SLC35D1: variants seen among roughly 807,000 people sequenced by gnomAD.
The protein encoded by SLC35D1 is nucleotide sugar transporter SLC35D1.
In SLC35D1, 31 loss-of-function variants were observed where a neutral mutation model predicts 46.7. That is an observed-to-expected ratio of 0.66 (90% confidence interval 0.50 to 0.90). The LOEUF is 0.90. SLC35D1 is among the 40% of genes least tolerant of loss of function. The probability of loss-of-function intolerance (pLI) is 0.00; values close to 1 mark genes in which losing one functional copy is unlikely to be tolerated. For synonymous variants in SLC35D1, 195 were observed against 164.6 expected (o/e 1.18, Z -1.41); for missense variants, 397 against 426.2 (o/e 0.93, Z 0.60).
intron 8 of SLC35D1, among the ~76,000 whole-genome samples, chr1:67,026,145 G>GATGACAT (rs1296058312): frequency 6.6e-6 from 1 of 152,128 alleles, no homozygotes; most frequent in Non-Finnish European, 1.5e-5. Flanking sequence ...GTCAGCAATA[G>GATGACAT]ATTCTTTGGT....
the SLC35D1 span, among the ~76,000 whole-genome samples, chr1:66,991,436 TACTAGC>T: frequency 2.0e-4 from 30 of 152,230 alleles, no homozygotes; most frequent in Non-Finnish European, 4.0e-4. Flanking sequence ...GTGGCATGAA[TACTAGC>T]AGTATCAGAG....
At chr1:67,036,615 A>T (rs904267667) in intron 8 of SLC35D1, among the ~76,000 whole-genome samples, 1 of 151,888 alleles carries the variant, frequency 6.6e-6, no homozygotes, top group Non-Finnish European at 1.5e-5. Context: ...TTTGGTCTCC[A>T]TTGGCATGTA....
chr1:67,050,407 A>G, intron 5 of SLC35D1, 26 bp downstream of exon 5: 1 of 1,544,588 alleles, frequency 6.5e-7, no homozygotes, highest in Non-Finnish European at 9.0e-7. Flanking sequence ...GATTTAAAGA[A>G]CAGATATATT....
downstream of SLC35D1, among the ~76,000 whole-genome samples, chr1:66,997,970 C>T (rs541381536): frequency 9.6e-4 from 145 of 151,736 alleles, no homozygotes; most frequent in African/African-American, 3.4e-3. Flanking sequence ...CAAATCAAAA[C>T]CAGAACAAGA....
At chr1:67,053,685 T>A in intron 1 of SLC35D1, 126 bp downstream of exon 1, 7 of 917,576 alleles carry the variant, frequency 7.6e-6, no homozygotes, top group African/African-American at 1.8e-5. Flanking sequence ...CCGCCCGCCC[T>A]CCCCAGCTCC....
At chr1:67,012,545 C>CAAAAAAAA (rs10674963) in intron 10 of SLC35D1, among the ~76,000 whole-genome samples, 14 of 103,122 alleles carry the variant, frequency 1.4e-4, no homozygotes, top group East Asian at 7.0e-4. Flanking sequence ...ACTCCTAAAT[C>CAAAAAAAA]AAAAAAAAAA....
chr1:66,976,789 GTTAA>G, the SLC35D1 span: 14 of 1,300,274 alleles, frequency 1.1e-5, no homozygotes, highest in East Asian at 5.1e-5. Context: ...TTTTTCTTGA[GTTAA>G]TTATTATTTT....
intron 8 of SLC35D1, among the ~76,000 whole-genome samples, chr1:67,041,263 G>T (rs1668235911): frequency 6.6e-6 from 1 of 152,024 alleles, no homozygotes; most frequent in African/African-American, 2.4e-5. Context: ...CTGCTGGCAG[G>T]TAGGTCACAG....
the SLC35D1 span, among the ~76,000 whole-genome samples, chr1:66,989,632 T>C: frequency 2.0e-5 from 3 of 152,086 alleles, no homozygotes. Context: ...CTCAGCTAAT[T>C]TTTTTTATTA....
At chr1:66,975,984 T>A in the SLC35D1 span, among the ~76,000 whole-genome samples, 2 of 136,650 alleles carry the variant, frequency 1.5e-5, no homozygotes, top group African/African-American at 5.9e-5. Context: ...CTTCCAGGCC[T>A]TTTTTTTGTG....
At position 67,053,840 on chromosome 1, in the gene SLC35D1, C is replaced by T; in HGVS notation, c.174G>A (p.Val58=). 6.2e-7 allele frequency: 1 copy of T among 1,613,138 alleles called. No individual in the cohort carries two copies. The highest frequency in any genetic ancestry group is 8.5e-7 in the Non-Finnish European group (1 of 1,179,418). The part of the protein sequence containing the change: ...FYGVSSFLIV[V]VNKSVLTNYR... ...AATTGGTGAGCACGCTCTTATTCAC[C>T]ACCACGATCAGGAAGGAGCTCACGC... Residue 58 remains valine, a synonymous_variant, in exon 1 of 12, where the codon GTG becomes GTA. Coordinates refer to ENST00000235345, the MANE Select transcript of SLC35D1 (RefSeq NM_015139.3).
intron 10 of SLC35D1, among the ~76,000 whole-genome samples, chr1:67,015,551 A>C (rs1667668159): frequency 6.6e-6 from 1 of 152,026 alleles, no homozygotes; most frequent in Non-Finnish European, 1.5e-5. Context: ...CACCATGCTC[A>C]GCCAATTTTT....
chr1:66,977,578 C>T, the SLC35D1 span, among the ~76,000 whole-genome samples: 1 of 152,132 alleles, frequency 6.6e-6, no homozygotes, highest in Non-Finnish European at 1.5e-5. Flanking sequence ...TGTAAAATGT[C>T]TGATATGCCT....
chr1:67,035,575 T>G (rs1668106093), intron 8 of SLC35D1, among the ~76,000 whole-genome samples: 1 of 151,862 alleles, frequency 6.6e-6, no homozygotes, highest in African/African-American at 2.4e-5. Flanking sequence ...TATTTGGGTC[T>G]TCTCTCTTTT....
In SLC35D1 at chr1:67,053,960, C is replaced by G. The variant is rs201982159; in HGVS notation, c.54G>C (p.Ala18=). ...QHARVKGEAP[A]KSSTLRDEEE... The stretch of plus-strand genomic sequence containing the variant: ...CCTCATCTCGGAGTGTGGAGGATTT[C>G]GCGGGGGCTTCTCCTTTAACCCGAG... The change falls in exon 1 of 12, where the codon GCG becomes GCC. Residue 18 remains alanine, a synonymous_variant. Transcript: ENST00000235345. 6.2e-7 allele frequency: 1 copy of G among 1,613,600 alleles called. No homozygotes were observed. The highest frequency in any genetic ancestry group is 8.5e-7 in the Non-Finnish European group (1 of 1,179,640).
downstream of SLC35D1, among the ~76,000 whole-genome samples, chr1:66,997,745 TTAAA>T (rs1667258087): frequency 6.8e-6 from 1 of 146,776 alleles, no homozygotes; most frequent in South Asian, 2.1e-4. Flanking sequence ...AGGAAAGCTG[TTAAA>T]TATATATATA....
chr1:67,054,027 G>C lies in SLC35D1; in HGVS notation c.-14C>G, dbSNP rs1397465435. 3 of 1,605,942 alleles carry C rather than the reference G, an allele frequency of 1.9e-6. No individual in the cohort carries two copies. In the South Asian group the frequency reaches 3.3e-5, roughly 18 times the overall value. ...AACTTCCGCCATGGCTGCCGCAGCA[G>C]CGGTGGCCTGGCGGCGGGGCCTAGC... On this transcript the variant is annotated 5_prime_UTR_variant, in exon 1 of 12. Coordinates refer to ENST00000235345, the MANE Select transcript of SLC35D1 (RefSeq NM_015139.3).
intron 8 of SLC35D1, among the ~76,000 whole-genome samples, chr1:67,034,000 A>G (rs1415885820): frequency 6.6e-6 from 1 of 152,126 alleles, no homozygotes. Flanking sequence ...CTGTAGATGT[A>G]TGGATTTAGT....
At chr1:66,983,136 G>A in the SLC35D1 span, among the ~76,000 whole-genome samples, 4 of 152,056 alleles carry the variant, frequency 2.6e-5, no homozygotes, top group South Asian at 2.1e-4. Flanking sequence ...TCAACATTAC[G>A]TACAGTCAAA....
Sources: gnomAD v4.1 joint callset for allele counts (sites outside exome capture counted in the v4.1 genomes callset) on GRCh38, gnomAD v4.1.1 for gene constraint, MANE v1.5 for transcripts, NCBI Gene and HGNC (gene_info 2026-07-23, HGNC 2026-07-21) for gene names.